The following RABGAP1L variants were observed in gnomAD, a reference collection of about 807,000 sequenced individuals.
RABGAP1L encodes the protein rab GTPase-activating protein 1-like.
RABGAP1L carries 63 observed loss-of-function variants against 137.7 expected under a neutral mutation model. The observed-to-expected ratio is 0.46, with a 90% CI of 0.37 to 0.56. RABGAP1L has a LOEUF of 0.56. RABGAP1L is among the 20% of genes least tolerant of loss of function. The pLI is 0.00. For synonymous variants in RABGAP1L, 431 were observed against 433.7 expected (o/e 0.99, Z 0.08); for missense variants, 1,095 against 1,244.0 (o/e 0.88, Z 1.80).
intron 7 of RABGAP1L, among the ~76,000 whole-genome samples, chr1:174,263,462 A>T (rs1313501434): frequency 6.6e-6 from 1 of 152,204 alleles, no homozygotes; most frequent in Non-Finnish European, 1.5e-5. Context: ...TTTCTGTCCT[A>T]ATCAAATGCT....
chr1:174,754,710 C>T (rs1321578175), intron 18 of RABGAP1L, among the ~76,000 whole-genome samples: 1 of 152,096 alleles, frequency 6.6e-6, no homozygotes, highest in Admixed American at 6.6e-5. Flanking sequence ...CTATGTTGCT[C>T]AGGCTGGTCT....
intron 25 of RABGAP1L, 140 bp downstream of exon 25, chr1:174,988,978 C>T: frequency 1.7e-6 from 1 of 571,736 alleles, no homozygotes; most frequent in Non-Finnish European, 2.7e-6. Context: ...CCTGCATAAT[C>T]ACATTTTATA....
intron 13 of RABGAP1L, among the ~76,000 whole-genome samples, chr1:174,587,424 C>T (rs941014798): frequency 4.7e-5 from 7 of 148,146 alleles, no homozygotes; most frequent in African/African-American, 1.5e-4. Context: ...GCACATGTAC[C>T]CTAAAACTTA....
At chr1:174,736,591 T>A (rs1303853364) in intron 17 of RABGAP1L, among the ~76,000 whole-genome samples, 1 of 152,252 alleles carries the variant, frequency 6.6e-6, no homozygotes, top group African/African-American at 2.4e-5. Flanking sequence ...GGACTCTGTG[T>A]GGGGGCTCCA....
At chr1:174,498,566 G>A (rs1051712349) in intron 13 of RABGAP1L, among the ~76,000 whole-genome samples, 3 of 151,610 alleles carry the variant, frequency 2.0e-5, no homozygotes, top group South Asian at 2.1e-4. Context: ...ATGCGATCTC[G>A]GCTCACTGAA....
At chr1:174,618,873 A>G (rs931483201) in intron 13 of RABGAP1L, among the ~76,000 whole-genome samples, 23 of 152,342 alleles carry the variant, frequency 1.5e-4, no homozygotes, top group African/African-American at 5.1e-4. Context: ...ACCAAAGGCA[A>G]AGAAGTTAAA....
intron 7 of RABGAP1L, among the ~76,000 whole-genome samples, chr1:174,253,645 T>C (rs550692811): frequency 1.2e-3 from 181 of 152,274 alleles, no homozygotes; most frequent in African/African-American, 4.1e-3. Context: ...ATGCTAAAGA[T>C]AGGGTTTGAA....
At chr1:174,517,026 G>A (rs887478019) in intron 13 of RABGAP1L, among the ~76,000 whole-genome samples, 1 of 151,818 alleles carries the variant, frequency 6.6e-6, no homozygotes, top group Non-Finnish European at 1.5e-5. Flanking sequence ...GTATTCAAGT[G>A]TTAGCACACA....
chr1:174,756,303 C>A (rs1684750728), intron 18 of RABGAP1L, among the ~76,000 whole-genome samples: 1 of 152,076 alleles, frequency 6.6e-6, no homozygotes, highest in Non-Finnish European at 1.5e-5. Context: ...GTGCAAGCCA[C>A]CAAGCCCTGC....
chr1:174,628,209 G>C (rs2148299110), intron 13 of RABGAP1L, among the ~76,000 whole-genome samples: 1 of 152,188 alleles, frequency 6.6e-6, no homozygotes, highest in Non-Finnish European at 1.5e-5. Flanking sequence ...ATAGAAAAAA[G>C]GGTAATTTAG....
chr1:174,475,974 A>AC (rs1658466745), intron 13 of RABGAP1L, among the ~76,000 whole-genome samples: 2 of 152,112 alleles, frequency 1.3e-5, no homozygotes, highest in Admixed American at 6.6e-5. Context: ...GAAAGATTGT[A>AC]AATCTTTCTA....
intron 19 of RABGAP1L, among the ~76,000 whole-genome samples, chr1:174,895,549 T>C (rs1657003348): frequency 6.6e-6 from 1 of 152,124 alleles, no homozygotes; most frequent in South Asian, 2.1e-4. Flanking sequence ...ACCATTAACT[T>C]GTCGTTTACA....
chr1:174,758,916 T>C (rs1388923454), intron 18 of RABGAP1L, among the ~76,000 whole-genome samples: 1 of 152,198 alleles, frequency 6.6e-6, no homozygotes, highest in Non-Finnish European at 1.5e-5. Context: ...TATCCTTAAC[T>C]CTCTTCTCAA....
At chr1:174,350,327 T>A (rs1230094528) in intron 11 of RABGAP1L, among the ~76,000 whole-genome samples, 1 of 82,670 alleles carries the variant, frequency 1.2e-5, no homozygotes, top group Non-Finnish European at 2.5e-5. Flanking sequence ...GCTCCTCACT[T>A]CTCAGACGGG....
intron 13 of RABGAP1L, among the ~76,000 whole-genome samples, chr1:174,485,440 G>GT (rs1464049024): frequency 5.9e-5 from 9 of 152,126 alleles, no homozygotes; most frequent in African/African-American, 2.2e-4. Context: ...AAGGCTTTCA[G>GT]TTTTTCCCAG....
intron 11 of RABGAP1L, among the ~76,000 whole-genome samples, chr1:174,348,625 C>A (rs1682678497): frequency 1.4e-5 from 2 of 145,766 alleles, no homozygotes; most frequent in Admixed American, 1.4e-4. Flanking sequence ...GTGTTTGTGT[C>A]CCTGATTACT....
chr1:174,677,271 G>A lies in RABGAP1L; in HGVS notation c.1825-6251G>A, dbSNP rs377067881. Among the ~76,000 whole-genome samples, 30 of 152,226 alleles carry A rather than the reference G, an allele frequency of 2.0e-4. 1 individual carries two copies. Among genetic ancestry groups the A allele is most frequent in the African/African-American group, 6.5e-4 (27 of 41,514 alleles). On this transcript the variant is annotated intron_variant, in intron 14 of 25. Coordinates refer to ENST00000681986, the MANE Select transcript of RABGAP1L (RefSeq NM_001366446.1). The stretch of plus-strand genomic sequence containing the variant: ...TGGGAGGTGGAGGCTTCAGTGAGCC[G>A]ACAGAGGGAGACCTGTCTCAAAACA...
intron 11 of RABGAP1L, among the ~76,000 whole-genome samples, chr1:174,317,017 G>T (rs1269625261): frequency 1.3e-5 from 2 of 151,910 alleles, no homozygotes; most frequent in South Asian, 2.1e-4. Context: ...ATGCTTCCTG[G>T]CCTGGGACTC....
At chr1:174,368,372 A>G (rs1295064120) in intron 11 of RABGAP1L, among the ~76,000 whole-genome samples, 3 of 152,354 alleles carry the variant, frequency 2.0e-5, no homozygotes, top group African/African-American at 2.4e-5. Context: ...ATCAAATGAT[A>G]TATTAACTTA....
Sources: allele counts gnomAD v4.1 joint callset (sites outside exome capture counted in the v4.1 genomes callset), GRCh38; gene constraint gnomAD v4.1.1; transcripts MANE v1.5; gene names NCBI Gene and HGNC (gene_info 2026-07-23, HGNC 2026-07-21).